NCKAP5L: variants seen among roughly 807,000 people sequenced by gnomAD.
NCKAP5L encodes the protein nck-associated protein 5-like.
A neutral mutation model predicts 103.2 loss-of-function variants in NCKAP5L; 54 were observed. The ratio of observed to expected loss-of-function variants is 0.52; its 90% CI spans 0.42 to 0.66. NCKAP5L has a LOEUF of 0.66. Ranked by LOEUF, NCKAP5L falls within the 30% of genes least tolerant of loss-of-function variation. The pLI is 0.00. For synonymous variants in NCKAP5L, 762 were observed against 748.6 expected (o/e 1.02, Z -0.29); for missense variants, 1,733 against 1,750.6 (o/e 0.99, Z 0.18).
At position 49,798,255 on chromosome 12, in the gene NCKAP5L, C is replaced by T. The variant is rs564610099; in HGVS notation, c.465+95G>A. On this transcript the variant is annotated intron_variant, in intron 7 of 12. Coordinates refer to ENST00000335999, the MANE Select transcript of NCKAP5L (RefSeq NM_001037806.4). ...GCATTCGGCTGCTCACACTTCCAGC[C>T]TGGACAAACGTCTGAGCACTGGGAA... 174 of 1,199,082 alleles carry T rather than the reference C, an allele frequency of 1.5e-4. 1 individual carries two copies. The South Asian group carries it at 2.2e-3, about 15-fold the overall frequency. 74.3% of individuals were successfully genotyped at this position (1,199,082 alleles called of 1,614,324 possible). A position where few individuals can be genotyped will look rare whatever the true frequency, so the allele number is the denominator to read the frequency against.
Position 49,795,983 on chromosome 12 carries a change from G to A in NCKAP5L, c.1877C>T (p.Ala626Val), listed in dbSNP as rs745393430. Reference protein sequence around the residue: ...GSPQEKSLDKAGSESPHPGRR... With the variant: ...GSPQEKSLDKVGSESPHPGRR... ...GCCGGGATGGGGAGACTCCGAGCCT[G>A]CCTTGTCCAAACTCTTCTCTTGGGG... The change falls in exon 8 of 13, where the codon GCA (alanine) becomes GTA (valine). Residue 626 changes from alanine (A) to valine (V), a missense_variant. Coordinates refer to ENST00000335999, the MANE Select transcript of NCKAP5L (RefSeq NM_001037806.4). 8 of 1,537,624 alleles carry A rather than the reference G, an allele frequency of 5.2e-6. No homozygotes were observed. Among genetic ancestry groups the A allele is most frequent in the Non-Finnish European group, 7.0e-6 (8 of 1,148,804 alleles).
intron 1 of NCKAP5L, among the ~76,000 whole-genome samples, chr12:49,812,502 G>T (rs1946252253): frequency 6.6e-6 from 1 of 151,930 alleles, no homozygotes; most frequent in Non-Finnish European, 1.5e-5. Context: ...TCCTGCCTCA[G>T]CCTCCTGAGT....
chr12:49,823,075 C>T (rs1432178369), intron 1 of NCKAP5L, among the ~76,000 whole-genome samples: 1 of 152,132 alleles, frequency 6.6e-6, no homozygotes, highest in Non-Finnish European at 1.5e-5. Context: ...CTCCAGCAAT[C>T]TTGCCCTGGG....
intron 1 of NCKAP5L, among the ~76,000 whole-genome samples, chr12:49,820,081 C>T (rs1946343945): frequency 6.6e-6 from 1 of 152,220 alleles, no homozygotes; most frequent in African/African-American, 2.4e-5. Flanking sequence ...GAGTTGGCAT[C>T]TTTTCAATAT....
chr12:49,791,728 C>A lies in NCKAP5L; in HGVS notation c.*111G>T, dbSNP rs1030654479. The A allele has an allele frequency of 5.5e-6, 5 of 906,142 alleles. No individual in the cohort carries two copies. Among genetic ancestry groups the A allele is most frequent in the East Asian group, 2.8e-5 (1 of 35,694 alleles). 56.1% of individuals were successfully genotyped at this position (906,142 alleles called of 1,614,324 possible). A position where few individuals can be genotyped will look rare whatever the true frequency, so the allele number is the denominator to read the frequency against. On this transcript the variant is annotated 3_prime_UTR_variant, in exon 13 of 13. Transcript: ENST00000335999. ...CCCTTTTCACCTTCTTATCCACCTG[C>A]CTCCTTGGTCCCTTCAGGGAGGGGT... is the stretch of plus-strand genomic sequence containing the variant.
At position 49,792,813 on chromosome 12, in the gene NCKAP5L, G is replaced by A. The variant is rs765332546; in HGVS notation, c.3514C>T (p.Arg1172Cys). Residue 1172 changes from arginine (R) to cysteine (C), a missense_variant, in exon 11 of 13, where the codon CGC becomes TGC. Arg to Cys is a radical substitution (Grantham distance 180, BLOSUM62 -3). Coordinates refer to ENST00000335999, the MANE Select transcript of NCKAP5L (RefSeq NM_001037806.4). The surrounding 1 kb of genome is among the most constrained non-coding windows in gnomAD (Gnocchi z 4.5). ...ACCTCCCGCTCCAGTGTGTGGGCGC[G>A]GCGGGGGACTTTGGTAAGGGGTGGG... The part of the protein sequence containing the change: ...RPPPLTKVPR[R>C]AHTLEREVPG... The A allele has an allele frequency of 2.5e-5, 39 of 1,591,664 alleles. No homozygotes were observed. The highest frequency in any genetic ancestry group is 9.4e-5 in the African/African-American group (7 of 74,580).
At position 49,794,799 on chromosome 12, in the gene NCKAP5L, C is replaced by T. The variant is rs994175067; in HGVS notation, c.3061G>A (p.Gly1021Ser). ...AGCTGCTGCATGAAGGTGTCTGCACCTTGGTACATGCCAGCCAGCTGGCCC... is the reference window on the plus strand; with the variant it reads ...AGCTGCTGCATGAAGGTGTCTGCACTTTGGTACATGCCAGCCAGCTGGCCC... ...VQGQLAGMYQ[G>S]ADTFMQQLLN... The change falls in exon 8 of 13, where the codon GGT (glycine) becomes AGT (serine). Residue 1021 changes from glycine to serine, a missense_variant. Physicochemically the swap from Gly to Ser is moderately conservative, Grantham distance 56. Coordinates refer to ENST00000335999, the MANE Select transcript of NCKAP5L (RefSeq NM_001037806.4). 1.3e-6 allele frequency: 2 copies of T among 1,543,496 alleles called. No individual in the cohort carries two copies. Among genetic ancestry groups the T allele is most frequent in the Non-Finnish European group, 1.7e-6 (2 of 1,144,364 alleles).
chr12:49,811,950 G>A (rs1408402265), intron 1 of NCKAP5L, among the ~76,000 whole-genome samples: 1 of 152,114 alleles, frequency 6.6e-6, no homozygotes, highest in Non-Finnish European at 1.5e-5. Context: ...TAACCACCAC[G>A]ATGCTAAATC....
chr12:49,824,674 T>C (rs1946397305), intron 1 of NCKAP5L, among the ~76,000 whole-genome samples: 1 of 152,234 alleles, frequency 6.6e-6, no homozygotes, highest in South Asian at 2.1e-4. Context: ...AGGCATTGCA[T>C]ATGCAGGTCC....
intron 1 of NCKAP5L, among the ~76,000 whole-genome samples, chr12:49,824,066 C>T (rs1397128647): frequency 6.6e-6 from 1 of 152,178 alleles, no homozygotes; most frequent in African/African-American, 2.4e-5. Context: ...CAGAGTCCTC[C>T]AGACTTGGGT....
chr12:49,823,647 T>TAA (rs56135612), intron 1 of NCKAP5L, among the ~76,000 whole-genome samples: 18 of 147,380 alleles, frequency 1.2e-4, no homozygotes, highest in South Asian at 2.2e-4. Context: ...ATCTATACAT[T>TAA]AAAAAAAAAA....
At chr12:49,794,286 C>T (rs1057410172) in intron 8 of NCKAP5L, among the ~76,000 whole-genome samples, 9 of 152,194 alleles carry the variant, frequency 5.9e-5, no homozygotes, top group African/African-American at 2.2e-4. Context: ...CTACCTGGGG[C>T]CCAATTCCTG....
At chr12:49,818,764 T>G (rs1946328651) in intron 1 of NCKAP5L, among the ~76,000 whole-genome samples, 1 of 152,198 alleles carries the variant, frequency 6.6e-6, no homozygotes, top group African/African-American at 2.4e-5. Context: ...AATGAGATAT[T>G]ACCTCATACA....
chr12:49,827,997 G>A (rs1946440073), intron 1 of NCKAP5L, among the ~76,000 whole-genome samples: 1 of 152,192 alleles, frequency 6.6e-6, no homozygotes, highest in Admixed American at 6.5e-5. Flanking sequence ...TTTCAAAGAG[G>A]GAGGGGAGCC....
At position 49,793,349 on chromosome 12, in the gene NCKAP5L, G is replaced by A; in HGVS notation, c.3340+3C>T. 1.2e-6 allele frequency: 2 copies of A among 1,606,146 alleles called. No individual in the cohort carries two copies. The highest frequency in any genetic ancestry group is 1.7e-6 in the Non-Finnish European group (2 of 1,179,584). On this transcript the variant is annotated splice_donor_region_variant and intron_variant, in intron 10 of 12. Coordinates refer to ENST00000335999, the MANE Select transcript of NCKAP5L (RefSeq NM_001037806.4). ...CCCATCCTCAGCCCCTGACCCTGCT[G>A]ACCTGTGAAGTGTGAGGTGGGCACT...
chr12:49,795,470 A>C lies in NCKAP5L; in HGVS notation c.2390T>G (p.Val797Gly), dbSNP rs763928440. Residue 797 changes from valine (V) to glycine (G), a missense_variant, in exon 8 of 13, where the codon GTG becomes GGG. Transcript: ENST00000335999. ...GCCCAGGCTTGGGGCTGAGGTTGGC[A>C]CTTTGGCAGGGGTACGGGGTACCTG... ...CPQVPRTPAK[V>G]PTSAPSLGKP... 2 of 1,550,230 alleles carry C rather than the reference A, an allele frequency of 1.3e-6. No individual in the cohort carries two copies.
chr12:49,792,481 G>T lies in NCKAP5L; in HGVS notation c.3757C>A (p.Pro1253Thr), dbSNP rs760457163. 8.1e-6 allele frequency: 13 copies of T among 1,613,516 alleles called. No individual in the cohort carries two copies. The African/African-American group carries it at 1.1e-4, about 13-fold the overall frequency. ...GSSSDPLMCP[P>T]RQLEGLPRTP... ...CTGGGCAGCCCCTCCAGTTGTCGGG[G>T]TGGGCACATGAGAGGGTCCGAGGAG... Residue 1253 changes from proline (P) to threonine (T), a missense_variant, in exon 12 of 13, where the codon CCC (proline) becomes ACC (threonine). Pro to Thr is a conservative substitution (Grantham distance 38). Coordinates refer to ENST00000335999, the MANE Select transcript of NCKAP5L (RefSeq NM_001037806.4). This position sits in a 1 kb window ranked among gnomAD's most constrained non-coding sequence, Gnocchi z 4.5.
Position 49,791,773 on chromosome 12 carries a change from G to T in NCKAP5L, c.*66C>A. 1.4e-6 allele frequency: 2 copies of T among 1,391,404 alleles called. No homozygotes were observed. The highest frequency in any genetic ancestry group is 1.9e-6 in the Non-Finnish European group (2 of 1,038,308). 86.2% of individuals were successfully genotyped at this position (1,391,404 alleles called of 1,614,324 possible). On this transcript the variant is annotated 3_prime_UTR_variant, in exon 13 of 13. Coordinates refer to ENST00000335999, the MANE Select transcript of NCKAP5L (RefSeq NM_001037806.4). ...AGGGGTCCCCGTCTCCGGGGGCTGG[G>T]CATGAAGAGAGCCGGTCCAGTCTGT...
intron 1 of NCKAP5L, among the ~76,000 whole-genome samples, chr12:49,818,357 T>C (rs1029429015): frequency 6.6e-6 from 1 of 151,988 alleles, no homozygotes; most frequent in Non-Finnish European, 1.5e-5. Flanking sequence ...TAGGAGAAAA[T>C]GTTTGTAAAC....
Sources: gnomAD v4.1 joint callset for allele counts (sites outside exome capture counted in the v4.1 genomes callset) on GRCh38, gnomAD v4.1.1 for gene constraint, Gnocchi (gnomAD v3.1) non-coding constraint, MANE v1.5 for transcripts, NCBI Gene and HGNC (gene_info 2026-07-23, HGNC 2026-07-21) for gene names.